The following USB1 variants were observed in gnomAD, a reference collection of about 807,000 sequenced individuals.
USB1 encodes the protein U6 snRNA phosphodiesterase 1.
A neutral mutation model predicts 29.9 loss-of-function variants in USB1; 21 were observed. That is an observed-to-expected ratio of 0.70 (90% CI 0.50 to 1.01). The LOEUF (loss-of-function observed/expected upper bound fraction) is 1.01. Among genes scored for constraint, USB1 ranks in the 50% least tolerant of loss-of-function variants. The probability of loss-of-function intolerance (pLI) is 0.00; values close to 1 mark genes in which losing one functional copy is unlikely to be tolerated. For missense variants in USB1, 330 were observed against 347.1 expected (o/e 0.95, Z 0.39); for synonymous variants, 143 against 134.9 (o/e 1.06, Z -0.42).
At position 58,013,665 on chromosome 16, in the gene USB1, C is replaced by T. The variant is rs541126026; in HGVS notation, c.450-608C>T. On this transcript the variant is annotated intron_variant, in intron 3 of 6. Transcript: ENST00000219281. The surrounding 1 kb of genome is among the most constrained non-coding windows in gnomAD (Gnocchi z 4.3). ...AACAGACCTATTCCCCTCACGAAAG[C>T]GTCATAGGTGACAACAAGGACTCTG... The T allele has an allele frequency of 1.9e-5, 19 of 980,374 alleles. No homozygotes were observed. In the East Asian group the frequency reaches 1.7e-3, roughly 86 times the overall value. The allele number at this position is 980,374 out of a possible 1,614,324, so 60.7% of individuals were successfully genotyped here.
At position 58,021,160 on chromosome 16, in the gene USB1, T is replaced by G. The variant is rs1475423730; in HGVS notation, c.*915T>G. On this transcript the variant is annotated 3_prime_UTR_variant, in exon 7 of 7. Transcript: ENST00000219281. Reference sequence around the variant, plus strand: ...TTTACTTTTACTCTCACCCTGCTCCTGTACCAGCAGGGGCCACTTCAAAGC... The same window carrying G: ...TTTACTTTTACTCTCACCCTGCTCCGGTACCAGCAGGGGCCACTTCAAAGC... 6.6e-6 allele frequency: 1 copy of G among 152,284 alleles called. No individual in the cohort carries two copies. The highest frequency in any genetic ancestry group is 1.5e-5 in the Non-Finnish European group (1 of 68,056). 9.4% of individuals were successfully genotyped at this position (152,284 alleles called of 1,614,324 possible). A position where few individuals can be genotyped will look rare whatever the true frequency, so the allele number is the denominator to read the frequency against.
rs1963682368 is a variant in USB1 at position 58,019,002 on chromosome 16, T to G, written c.640T>G (p.Cys214Gly). Residue 214 changes from cysteine to glycine, a missense_variant, in exon 6 of 7, where the codon TGT (cysteine) becomes GGT (glycine). Physicochemically the swap from Cys to Gly is radical, Grantham distance 159 (BLOSUM62 -3). Transcript: ENST00000219281. ...DPSFHLSLAW[C>G]VGDARLQLEG... ...TTCTTTCCACCTCAGCCTGGCCTGG[T>G]GTGTGGGTGATGCACGTCTCCAGCT... The G allele has an allele frequency of 1.2e-6, 2 of 1,613,994 alleles. No individual in the cohort carries two copies. Among genetic ancestry groups the G allele is most frequent in the Admixed American group, 1.7e-5 (1 of 60,000 alleles).
In USB1 at chr16:58,020,756, C is replaced by CTCTCTCTCTTCCTTTCT. The variant is rs1192019948; in HGVS notation, c.*521_*522insCCTTTCTTCTCTCTCTT. ...CCTCTCCTCTCTCTCTTCCTCTCCT[C>CTCTCTCTCTTCCTTTCT]TCTCTCTCTTGCTTTCTTCTCTCTC... On this transcript the variant is annotated 3_prime_UTR_variant, in exon 7 of 7. Coordinates refer to ENST00000219281, the MANE Select transcript of USB1 (RefSeq NM_024598.4). 4 of 189,830 alleles carry CTCTCTCTCTTCCTTTCT rather than the reference C, an allele frequency of 2.1e-5. No homozygotes were observed. Among genetic ancestry groups the CTCTCTCTCTTCCTTTCT allele is most frequent in the African/African-American group, 9.5e-5 (4 of 42,238 alleles). The allele number at this position is 189,830 out of a possible 1,614,324, so 11.8% of individuals were successfully genotyped here. A position where few individuals can be genotyped will look rare whatever the true frequency, so the allele number is the denominator to read the frequency against.
chr16:58,017,637 T>A (rs767587229), intron 5 of USB1, among the ~76,000 whole-genome samples, 198 bp downstream of exon 5: 2 of 152,196 alleles, frequency 1.3e-5, no homozygotes, highest in Non-Finnish European at 2.9e-5. Context: ...CCACCCAAAG[T>A]CCAACATTTC....
At chr16:58,012,992 C>G (rs1056694345) in intron 3 of USB1, 1 of 985,792 alleles carries the variant, frequency 1.0e-6, no homozygotes, top group Non-Finnish European at 1.2e-6. Flanking sequence ...CACCTGGACC[C>G]CTGGGCTGGT....
At chr16:58,010,359 C>A (rs987930873) in intron 3 of USB1, among the ~76,000 whole-genome samples, 3 of 152,224 alleles carry the variant, frequency 2.0e-5, no homozygotes, top group African/African-American at 7.2e-5. Flanking sequence ...AGCTCTTGCT[C>A]AGTACTTCCA....
rs902475606 is a variant in USB1, at chr16:58,021,324, A to C, written c.*1079A>C. On this transcript the variant is annotated 3_prime_UTR_variant, in exon 7 of 7. Transcript: ENST00000219281. Reference sequence around the variant, plus strand: ...GCCAGTGGCTGAAAGCCAGGCCTCCAATGCACTGTGACCTCTGGCTTCCCC... The same window carrying C: ...GCCAGTGGCTGAAAGCCAGGCCTCCCATGCACTGTGACCTCTGGCTTCCCC... 6 of 152,234 alleles carry C rather than the reference A, an allele frequency of 3.9e-5. No homozygotes were observed. Among genetic ancestry groups the C allele is most frequent in the African/African-American group, 1.4e-4 (6 of 41,462 alleles). 9.4% of individuals were successfully genotyped at this position (152,234 alleles called of 1,614,324 possible). A position where few individuals can be genotyped will look rare whatever the true frequency, so the allele number is the denominator to read the frequency against.
intron 2 of USB1, among the ~76,000 whole-genome samples, chr16:58,007,276 T>A (rs568609939): frequency 9.8e-5 from 15 of 152,346 alleles, no homozygotes; most frequent in African/African-American, 3.6e-4. Flanking sequence ...AGATTATAGA[T>A]AATTGGTTTA....
chr16:58,011,637 T>C, intron 3 of USB1: 1 of 988,626 alleles, frequency 1.0e-6, no homozygotes, highest in Non-Finnish European at 1.2e-6. Flanking sequence ...CAGAGATCAG[T>C]TGGCCCTGTG....
chr16:58,013,181 A>T lies in USB1; in HGVS notation c.450-1092A>T. 1 of 985,476 alleles carries T rather than the reference A, an allele frequency of 1.0e-6. No individual in the cohort carries two copies. The highest frequency in any genetic ancestry group is 1.7e-5 in the African/African-American group (1 of 57,338). 61.0% of individuals were successfully genotyped at this position (985,476 alleles called of 1,614,324 possible). On this transcript the variant is annotated intron_variant, in intron 3 of 6. Transcript: ENST00000219281. The surrounding 1 kb of genome is among the most constrained non-coding windows in gnomAD (Gnocchi z 4.3). The stretch of plus-strand genomic sequence containing the variant: ...CCAGGCCTGGGCAGCCTGCCTCTGG[A>T]GTAGGGGTGGAGAGCCATCCTGCAA...
At chr16:58,019,178 G>A in intron 6 of USB1, 123 bp downstream of exon 6, 1 of 954,758 alleles carries the variant, frequency 1.0e-6, no homozygotes, top group Non-Finnish European at 1.6e-6. Context: ...CATGGCAGGA[G>A]ACCCCAACAC....
upstream of USB1, among the ~76,000 whole-genome samples, chr16:58,000,960 A>C (rs925105283): frequency 6.6e-6 from 1 of 152,004 alleles, no homozygotes; most frequent in Middle Eastern, 3.4e-3. This position sits in a 1 kb window ranked among gnomAD's most constrained non-coding sequence, Gnocchi z 4.5. Flanking sequence ...TCTGCGCAGG[A>C]GAGGAGGGGC....
intron 2 of USB1, among the ~76,000 whole-genome samples, 194 bp downstream of exon 2, chr16:58,002,839 G>A (rs377202457): frequency 2.0e-5 from 3 of 152,296 alleles, no homozygotes; most frequent in African/African-American, 7.2e-5. Flanking sequence ...TTTTGAATTC[G>A]TAGCCTAAAA....
intron 1 of USB1, 66 bp from the exon 2 acceptor site, chr16:58,002,413 G>A (rs1005355782): frequency 1.8e-5 from 29 of 1,602,360 alleles, no homozygotes; most frequent in Non-Finnish European, 2.4e-5. Context: ...CAACTTTTGT[G>A]GTATATACAA....
Position 58,002,272 on chromosome 16 carries a change from CA to C in USB1, c.99-206del, listed in dbSNP as rs545750727. On this transcript the variant is annotated intron_variant, in intron 1 of 6. Transcript: ENST00000219281. ...CATTGTTGCATGCCCTGTTGTTTCC[CA>C]TGGGGACCTTGTGCCCCAGAGTTGG... Among the ~76,000 whole-genome samples the C allele has an allele frequency of 6.8e-4, 104 of 152,272 alleles. 3 individuals carry two copies. The South Asian group carries it at 0.021, about 31-fold the overall frequency.
At chr16:58,012,330 G>C in intron 3 of USB1, 2 of 1,535,278 alleles carry the variant, frequency 1.3e-6, no homozygotes, top group Non-Finnish European at 1.7e-6. Context: ...GGTGCCAGAA[G>C]CCCATGCCAG....
Position 58,020,733 on chromosome 16 carries a change from T to A in USB1, c.*488T>A. On this transcript the variant is annotated 3_prime_UTR_variant, in exon 7 of 7. Transcript: ENST00000219281. ...TCTCTTCCCCTCCTCTATCTCTTCCTCTCCTCTCTCTCTTCCTCTCCTCTC... is the reference window on the plus strand; with the variant it reads ...TCTCTTCCCCTCCTCTATCTCTTCCACTCCTCTCTCTCTTCCTCTCCTCTC... 5.2e-6 allele frequency: 1 copy of A among 192,776 alleles called. No homozygotes were observed. Among genetic ancestry groups the A allele is most frequent in the Non-Finnish European group, 1.1e-5 (1 of 93,378 alleles). The allele number at this position is 192,776 out of a possible 1,614,324, so 11.9% of individuals were successfully genotyped here. A position where few individuals can be genotyped will look rare whatever the true frequency, so the allele number is the denominator to read the frequency against.
intron 2 of USB1, among the ~76,000 whole-genome samples, chr16:58,004,897 C>G (rs1963315248): frequency 6.6e-6 from 1 of 152,102 alleles, no homozygotes; most frequent in Non-Finnish European, 1.5e-5. Flanking sequence ...CCGGTAGTGG[C>G]CTCGAATGCC....
upstream of USB1, among the ~76,000 whole-genome samples, chr16:58,000,787 C>G (rs1053705211): frequency 2.4e-4 from 36 of 151,902 alleles, no homozygotes; most frequent in Non-Finnish European, 1.5e-4. This position sits in a 1 kb window ranked among gnomAD's most constrained non-coding sequence, Gnocchi z 4.5. Context: ...CGCCCCCTGC[C>G]GGGGACCCCG....
Sources: allele counts gnomAD v4.1 joint callset (sites outside exome capture counted in the v4.1 genomes callset), GRCh38; gene constraint gnomAD v4.1.1; non-coding constraint Gnocchi (gnomAD v3.1); transcripts MANE v1.5; gene names NCBI Gene and HGNC (gene_info 2026-07-23, HGNC 2026-07-21).